The following TBC1D25 variants were observed in gnomAD, a reference collection of about 807,000 sequenced individuals.
The protein encoded by TBC1D25 is 5SN3 snoRNA.
Under a neutral mutation model 38.8 loss-of-function variants are expected in TBC1D25, and 13 were observed. The ratio of observed to expected loss-of-function variants is 0.34; its 90% CI spans 0.22 to 0.53. The LOEUF is 0.53. Ranked by LOEUF, TBC1D25 falls within the 20% of genes least tolerant of loss-of-function variation. TBC1D25 has a pLI of 0.94. For synonymous variants in TBC1D25, 225 were observed against 255.6 expected (o/e 0.88, Z 1.14); for missense variants, 372 against 600.0 (o/e 0.62, Z 3.97).
At position 48,539,895 on chromosome X, in the gene TBC1D25, G is replaced by A; in HGVS notation, c.98G>A (p.Arg33Gln). ...QAAAAAEEEE[R>Q]EVVRVRVKKC... ...GCGGCGGCCGCTGAGGAGGAGGAGC[G>A]AGAGGTGGTGCGGGTCCGAGTCAAG... The change falls in exon 1 of 6, where the codon CGA (arginine) becomes CAA (glutamine). Residue 33 changes from arginine (R) to glutamine (Q), a missense_variant. By Grantham distance (43) the Arg-to-Gln change is conservative. Transcript: ENST00000376771. 1.0e-6 allele frequency: 1 copy of A among 960,876 alleles called. No individual in the cohort carries two copies. Among genetic ancestry groups the A allele is most frequent in the Non-Finnish European group, 1.3e-6 (1 of 764,336 alleles). The allele number at this position is 960,876 out of a possible 1,213,427, so 79.2% of individuals were successfully genotyped here.
chrX:48,550,479 A>AT (rs1369539825), intron 3 of TBC1D25, among the ~76,000 whole-genome samples: 1,199 of 101,114 alleles, frequency 0.012, 7 homozygotes, highest in Non-Finnish European at 0.015. Context: ...TTGTGGTCAA[A>AT]TTTTTTTTTT....
chrX:48,550,548 C>T (rs1234304266), intron 3 of TBC1D25, among the ~76,000 whole-genome samples: 1 of 109,173 alleles, frequency 9.2e-6, no homozygotes, highest in Non-Finnish European at 1.9e-5. Context: ...GCAATCTCAA[C>T]TCACTGCAAG....
chrX:48,544,826 G>C (rs1556981170), intron 2 of TBC1D25, 43 bp from the exon 3 acceptor site: 1 of 1,201,416 alleles, frequency 8.3e-7, no homozygotes, highest in Admixed American at 2.2e-5. Flanking sequence ...GAGGCCTCCA[G>C]GGCACCAGGG....
intron 3 of TBC1D25, among the ~76,000 whole-genome samples, chrX:48,556,445 T>C (rs2061975603): frequency 9.0e-6 from 1 of 111,173 alleles, no homozygotes; most frequent in Non-Finnish European, 1.9e-5. Flanking sequence ...TTAGTACAGA[T>C]CAAAATGGAG....
At chrX:48,559,374 C>A in intron 5 of TBC1D25, 28 bp downstream of exon 5, 1 of 1,189,425 alleles carries the variant, frequency 8.4e-7, no homozygotes, top group Non-Finnish European at 1.1e-6. Context: ...TCTGTTGGGT[C>A]CATCACTGCT....
At chrX:48,544,287 T>A (rs1045021306) in intron 2 of TBC1D25, among the ~76,000 whole-genome samples, 2 of 109,687 alleles carry the variant, frequency 1.8e-5, no homozygotes, top group Non-Finnish European at 3.8e-5. Flanking sequence ...TTCTTCCCAC[T>A]TCTGTCCCAC....
At chrX:48,552,830 C>A (rs1171488872) in intron 3 of TBC1D25, among the ~76,000 whole-genome samples, 4 of 108,439 alleles carry the variant, frequency 3.7e-5, no homozygotes, top group Non-Finnish European at 7.6e-5. Context: ...TGCTCTGTTG[C>A]CCAGGCTGGA....
chrX:48,559,039 C>A lies in TBC1D25; in HGVS notation c.516+15C>A. The A allele has an allele frequency of 8.3e-7, 1 of 1,210,182 alleles. No homozygotes were observed. The highest frequency in any genetic ancestry group is 1.7e-5 in the African/African-American group (1 of 57,680). On this transcript the variant is annotated intron_variant, in intron 4 of 5. Transcript: ENST00000376771. ...TCCTCACTCAGGTGTTTTCAGGGAC[C>A]CTAGGGACCCAGCTGTGGTTGGAGG... is the stretch of plus-strand genomic sequence containing the variant.
At chrX:48,554,323 G>T (rs1556984088) in intron 3 of TBC1D25, among the ~76,000 whole-genome samples, 1 of 110,731 alleles carries the variant, frequency 9.0e-6, no homozygotes, top group Non-Finnish European at 1.9e-5. Flanking sequence ...GCTGAGGCAG[G>T]CGGATCACTT....
intron 3 of TBC1D25, 112 bp from the exon 4 acceptor site, chrX:48,558,785 G>A (rs1189425494): frequency 4.1e-5 from 40 of 976,074 alleles, no homozygotes; most frequent in Non-Finnish European, 5.2e-5. Context: ...AGAGGGACTG[G>A]GAGTTGTTTG....
intron 1 of TBC1D25, among the ~76,000 whole-genome samples, chrX:48,540,654 G>C (rs2061831394): frequency 8.9e-6 from 1 of 111,806 alleles, no homozygotes; most frequent in Non-Finnish European, 1.9e-5. Context: ...AGATCGCCAA[G>C]GGCCTTTGGT....
rs964383916 is a variant in TBC1D25, at chrX:48,562,009, G to A, written c.*1034G>A. ...CGCAGGCCCTAATAGAATTCACTTC[G>A]TTATTTGGAGGATAATGATCAAAAA... On this transcript the variant is annotated 3_prime_UTR_variant, in exon 6 of 6. Coordinates refer to ENST00000376771, the MANE Select transcript of TBC1D25 (RefSeq NM_002536.4). 3 of 112,312 alleles carry A rather than the reference G, an allele frequency of 2.7e-5. No homozygotes were observed. Among genetic ancestry groups the A allele is most frequent in the Non-Finnish European group, 3.8e-5 (2 of 53,273 alleles). The allele number at this position is 112,312 out of a possible 1,213,427, so 9.3% of individuals were successfully genotyped here.
chrX:48,543,780 A>G (rs1350270121), intron 2 of TBC1D25, among the ~76,000 whole-genome samples: 1 of 105,548 alleles, frequency 9.5e-6, no homozygotes, highest in African/African-American at 3.5e-5. Context: ...GCTACTTGGG[A>G]GGCTGAGGCA....
At chrX:48,558,828 G>C (rs782808699) in intron 3 of TBC1D25, 69 bp from the exon 4 acceptor site, 305 of 1,181,215 alleles carry the variant, frequency 2.6e-4, no homozygotes, top group Non-Finnish European at 3.4e-4. Flanking sequence ...TCAGTAGAAG[G>C]AGAGGAAGCC....
chrX:48,546,229 AG>A (rs1470852968), intron 3 of TBC1D25, among the ~76,000 whole-genome samples: 3 of 103,591 alleles, frequency 2.9e-5, no homozygotes, highest in Non-Finnish European at 3.9e-5. Flanking sequence ...AAAAAAAAAA[AG>A]AGGCTGAGCA....
intron 3 of TBC1D25, among the ~76,000 whole-genome samples, chrX:48,556,872 C>T (rs1243861848): frequency 9.1e-6 from 1 of 109,815 alleles, no homozygotes; most frequent in Non-Finnish European, 1.9e-5. Context: ...CAGATGGCCA[C>T]TGCTGCTTCA....
chrX:48,541,554 A>G, intron 2 of TBC1D25, 112 bp downstream of exon 2: 2 of 741,370 alleles, frequency 2.7e-6, no homozygotes, highest in Non-Finnish European at 4.2e-6. Flanking sequence ...ATAATCCCAC[A>G]GTGAACAGCC....
intron 3 of TBC1D25, among the ~76,000 whole-genome samples, chrX:48,548,218 C>G (rs1279780483): frequency 9.2e-6 from 1 of 108,150 alleles, no homozygotes; most frequent in African/African-American, 3.4e-5. Context: ...CAGGCTCAAG[C>G]AATTGTCCCA....
At chrX:48,541,265 C>G in intron 1 of TBC1D25, 68 bp from the exon 2 acceptor site, 1 of 996,252 alleles carries the variant, frequency 1.0e-6, no homozygotes, top group Admixed American at 2.2e-5. Flanking sequence ...CCTTCTACCA[C>G]TCTGCACCTC....
Sources: allele counts gnomAD v4.1 joint callset (sites outside exome capture counted in the v4.1 genomes callset), GRCh38; gene constraint gnomAD v4.1.1; transcripts MANE v1.5; gene names NCBI Gene and HGNC (gene_info 2026-07-23, HGNC 2026-07-21).